The following LRMDA variants were observed in gnomAD, a reference collection of about 807,000 sequenced individuals.
LRMDA encodes leucine rich melanocyte differentiation associated.
In LRMDA, 18 loss-of-function variants were observed where a neutral mutation model predicts 29.8. That is an observed-to-expected ratio of 0.60 (90% CI 0.42 to 0.90). LRMDA has a LOEUF of 0.90. Among genes scored for constraint, LRMDA ranks in the 40% least tolerant of loss-of-function variants. The probability of loss-of-function intolerance (pLI) is 0.00; values close to 1 mark genes in which losing one functional copy is unlikely to be tolerated. For missense variants in LRMDA, 273 were observed against 273.9 expected, an observed-to-expected ratio of 1.00 and a Z score of 0.02; for synonymous variants, 125 against 109.4, an observed-to-expected ratio of 1.14 and a Z score of -0.89.
At chr10:75,458,676 C>G (rs1247088855) in intron 2 of LRMDA, among the ~76,000 whole-genome samples, 1 of 152,118 alleles carries the variant, frequency 6.6e-6, no homozygotes, top group Non-Finnish European at 1.5e-5. Context: ...ACCTAACCCT[C>G]TACAGCAGTT....
At chr10:75,562,297 G>A (rs1235115323) in intron 2 of LRMDA, among the ~76,000 whole-genome samples, 1 of 151,998 alleles carries the variant, frequency 6.6e-6, no homozygotes, top group Non-Finnish European at 1.5e-5. Flanking sequence ...GGCCTTCTTT[G>A]TCTCTTTTGA....
At chr10:75,559,025 A>G (rs1432586159) in intron 2 of LRMDA, among the ~76,000 whole-genome samples, 1 of 150,738 alleles carries the variant, frequency 6.6e-6, no homozygotes, top group East Asian at 1.9e-4. Flanking sequence ...AGCATGATTT[A>G]TAGTCCTTTG....
intron 5 of LRMDA, among the ~76,000 whole-genome samples, chr10:76,188,344 C>A (rs1476772031): frequency 6.6e-6 from 1 of 152,214 alleles, no homozygotes. Flanking sequence ...CTGTCCTCTA[C>A]TCAAAGAAAC....
At chr10:76,366,136 G>A (rs1016717254) in intron 6 of LRMDA, among the ~76,000 whole-genome samples, 20 of 152,196 alleles carry the variant, frequency 1.3e-4, no homozygotes, top group African/African-American at 4.3e-4. Flanking sequence ...CTGTTTTGAT[G>A]ACTATGGCCT....
At chr10:76,180,279 T>C (rs1352078355) in intron 5 of LRMDA, among the ~76,000 whole-genome samples, 4 of 68,624 alleles carry the variant, frequency 5.8e-5, no homozygotes, top group African/African-American at 3.2e-4. Context: ...GGAAAAAACT[T>C]TTTTTTTTTT....
At chr10:76,416,130 G>A (rs986381860) in intron 6 of LRMDA, among the ~76,000 whole-genome samples, 2 of 152,158 alleles carry the variant, frequency 1.3e-5, no homozygotes, top group South Asian at 2.1e-4. Flanking sequence ...CATCCAAATC[G>A]TGGCAGAACC....
At chr10:75,621,199 T>TACACACACACACAC (rs753933285) in intron 2 of LRMDA, among the ~76,000 whole-genome samples, 2 of 136,744 alleles carry the variant, frequency 1.5e-5, no homozygotes, top group East Asian at 2.2e-4. Flanking sequence ...AGTATTCCAT[T>TACACACACACACAC]ACACACACAC....
At chr10:75,626,054 G>A (rs1564525567) in intron 2 of LRMDA, among the ~76,000 whole-genome samples, 1 of 151,562 alleles carries the variant, frequency 6.6e-6, no homozygotes, top group Non-Finnish European at 1.5e-5. Context: ...TAGAGACGGG[G>A]TCTTGCTATG....
chr10:75,609,870 G>A (rs1008258717), intron 2 of LRMDA, among the ~76,000 whole-genome samples: 11 of 152,122 alleles, frequency 7.2e-5, no homozygotes, highest in African/African-American at 2.4e-4. Flanking sequence ...AGAAGAAGAG[G>A]CTGTTAGACT....
chr10:76,327,524 T>C (rs748678004), intron 6 of LRMDA, among the ~76,000 whole-genome samples: 4 of 152,224 alleles, frequency 2.6e-5, no homozygotes, highest in Non-Finnish European at 4.4e-5. Context: ...AGGGATTATC[T>C]TCCTAGAAAG....
At chr10:76,215,879 G>C (rs914075977) in intron 5 of LRMDA, among the ~76,000 whole-genome samples, 3 of 152,148 alleles carry the variant, frequency 2.0e-5, no homozygotes, top group Admixed American at 6.5e-5. Flanking sequence ...CTCAGAAATA[G>C]GGGACTGGAT....
intron 2 of LRMDA, among the ~76,000 whole-genome samples, chr10:75,953,820 G>A (rs866166111): frequency 2.0e-5 from 3 of 152,206 alleles, no homozygotes; most frequent in South Asian, 4.1e-4. Flanking sequence ...TTGTCCCCTA[G>A]TGCCCAGCCT....
intron 2 of LRMDA, among the ~76,000 whole-genome samples, chr10:76,011,207 G>C (rs1847772050): frequency 6.6e-6 from 1 of 152,108 alleles, no homozygotes; most frequent in African/African-American, 2.4e-5. Flanking sequence ...GCTCATTTTG[G>C]GTGTGAAGTG....
intron 2 of LRMDA, among the ~76,000 whole-genome samples, chr10:75,600,959 C>G (rs1161016459): frequency 6.6e-6 from 1 of 152,188 alleles, no homozygotes; most frequent in Non-Finnish European, 1.5e-5. Context: ...TCTCCTCTTC[C>G]AGAGCTGAGC....
intron 2 of LRMDA, among the ~76,000 whole-genome samples, chr10:75,540,948 A>T (rs750204781): frequency 6.6e-6 from 1 of 152,200 alleles, no homozygotes; most frequent in Non-Finnish European, 1.5e-5. Flanking sequence ...AAGAGCTTAA[A>T]ACAAACTTAG....
chr10:75,560,395 C>A (rs1840276162), intron 2 of LRMDA, among the ~76,000 whole-genome samples: 5 of 150,662 alleles, frequency 3.3e-5, no homozygotes, highest in Admixed American at 2.0e-4. Flanking sequence ...TATCCTGAGA[C>A]TTTGCTGAAG....
chr10:76,304,957 A>G (rs1474837579), intron 5 of LRMDA, among the ~76,000 whole-genome samples: 5 of 152,160 alleles, frequency 3.3e-5, no homozygotes, highest in Admixed American at 3.3e-4. Flanking sequence ...CTTCTAGGAA[A>G]TGGATGGTGC....
At chr10:75,827,740 G>T (rs1020958501) in intron 2 of LRMDA, among the ~76,000 whole-genome samples, 1 of 152,182 alleles carries the variant, frequency 6.6e-6, no homozygotes, top group South Asian at 2.1e-4. Flanking sequence ...CAGAATGTAC[G>T]TTATCCATCT....
At chr10:76,448,211 A>G (rs1216201074) in intron 6 of LRMDA, among the ~76,000 whole-genome samples, 1 of 152,116 alleles carries the variant, frequency 6.6e-6, no homozygotes, top group Non-Finnish European at 1.5e-5. Context: ...AATTCACACT[A>G]TATATTTCGT....
Sources: allele counts gnomAD v4.1 joint callset (sites outside exome capture counted in the v4.1 genomes callset), GRCh38; gene constraint gnomAD v4.1.1; transcripts MANE v1.5; gene names NCBI Gene and HGNC (gene_info 2026-07-23, HGNC 2026-07-21).